MAGI2: variants seen among roughly 807,000 people sequenced by gnomAD.
MAGI2 encodes membrane-associated guanylate kinase, WW and PDZ domain-containing protein 2.
Under a neutral mutation model 133.3 loss-of-function variants are expected in MAGI2, and 35 were observed. The observed-to-expected ratio is 0.26, with a 90% confidence interval of 0.20 to 0.35. The LOEUF (loss-of-function observed/expected upper bound fraction) is 0.35. Ranked by LOEUF, MAGI2 falls within the 10% of genes least tolerant of loss-of-function variation. The pLI is 1.00. For missense variants in MAGI2, 1,636 were observed against 1,863.4 expected, an observed-to-expected ratio of 0.88 and a Z score of 2.25; for synonymous variants, 729 against 710.6, an observed-to-expected ratio of 1.03 and a Z score of -0.41.
chr7:78,567,127 C>T (rs1563179464), intron 3 of MAGI2, among the ~76,000 whole-genome samples: 1 of 152,154 alleles, frequency 6.6e-6, no homozygotes. Context: ...TTCTAATATA[C>T]TAAATAATTA....
intron 2 of MAGI2, among the ~76,000 whole-genome samples, chr7:78,991,397 T>C (rs1562759436): frequency 6.6e-6 from 1 of 151,496 alleles, no homozygotes. Context: ...TCTACATCTA[T>C]ATCTACACAT....
chr7:79,094,359 T>C (rs1392751296), intron 1 of MAGI2, among the ~76,000 whole-genome samples: 1 of 152,202 alleles, frequency 6.6e-6, no homozygotes, highest in Non-Finnish European at 1.5e-5. Context: ...CTAATTCTAG[T>C]TATTTTGCTA....
chr7:79,311,098 C>G (rs1838253571), intron 1 of MAGI2, among the ~76,000 whole-genome samples: 1 of 152,038 alleles, frequency 6.6e-6, no homozygotes, highest in East Asian at 1.9e-4. Context: ...TGGCCTCTCT[C>G]CAATCAGAAT....
At chr7:78,523,318 T>C (rs191450463) in intron 3 of MAGI2, among the ~76,000 whole-genome samples, 15 of 151,982 alleles carry the variant, frequency 9.9e-5, no homozygotes, top group African/African-American at 3.1e-4. Context: ...TATATAAATA[T>C]ATAAGATGGC....
intron 12 of MAGI2, among the ~76,000 whole-genome samples, chr7:78,186,106 G>C (rs1392843804): frequency 6.6e-6 from 1 of 152,076 alleles, no homozygotes; most frequent in African/African-American, 2.4e-5. Context: ...TGATTGTATT[G>C]ATTTATGTAC....
At chr7:78,389,580 A>G (rs1233790274) in intron 6 of MAGI2, among the ~76,000 whole-genome samples, 1 of 152,184 alleles carries the variant, frequency 6.6e-6, no homozygotes, top group Non-Finnish European at 1.5e-5. Context: ...CCCTAGACAG[A>G]TATTTGGGTA....
intron 2 of MAGI2, among the ~76,000 whole-genome samples, chr7:78,889,813 A>C (rs958145122): frequency 6.6e-6 from 1 of 152,170 alleles, no homozygotes; most frequent in Non-Finnish European, 1.5e-5. Context: ...GGAAGAAACT[A>C]CATCAACTAA....
chr7:78,684,206 C>A (rs566894059), intron 2 of MAGI2, among the ~76,000 whole-genome samples: 11 of 152,148 alleles, frequency 7.2e-5, no homozygotes, highest in African/African-American at 2.4e-4. Context: ...AATAGATTCT[C>A]CAAACATATT....
At chr7:78,201,286 A>G in intron 10 of MAGI2, 93 bp from the exon 11 acceptor site, 2 of 605,256 alleles carry the variant, frequency 3.3e-6, no homozygotes, top group Non-Finnish European at 5.6e-6. Context: ...ATTGATTTTA[A>G]ATTAGTTAAC....
intron 13 of MAGI2, among the ~76,000 whole-genome samples, chr7:78,183,527 G>A (rs956316314): frequency 1.3e-5 from 2 of 151,952 alleles, no homozygotes; most frequent in African/African-American, 4.8e-5. Context: ...GCCTCCCAAA[G>A]TGCTGGGATT....
intron 21 of MAGI2, among the ~76,000 whole-genome samples, chr7:78,037,221 T>A (rs1018419353): frequency 2.0e-5 from 3 of 152,036 alleles, no homozygotes; most frequent in Non-Finnish European, 1.5e-5. Flanking sequence ...CTCTTTGAAC[T>A]TAGGGTGGGG....
intron 2 of MAGI2, among the ~76,000 whole-genome samples, chr7:78,973,419 T>C (rs1432559465): frequency 1.3e-5 from 2 of 151,802 alleles, no homozygotes; most frequent in African/African-American, 2.4e-5. Flanking sequence ...ATTAGTTAGA[T>C]TGATGGGAAG....
At chr7:78,141,813 C>T (rs1280738171) in intron 16 of MAGI2, among the ~76,000 whole-genome samples, 2 of 152,140 alleles carry the variant, frequency 1.3e-5, no homozygotes, top group East Asian at 3.8e-4. Context: ...AAGGGCTCAT[C>T]ACTGGCAATT....
At chr7:78,974,335 T>G (rs1804048336) in intron 2 of MAGI2, among the ~76,000 whole-genome samples, 2 of 151,860 alleles carry the variant, frequency 1.3e-5, no homozygotes, top group African/African-American at 4.8e-5. Context: ...GTGTGGCTAA[T>G]TTTTAGCTCT....
intron 21 of MAGI2, among the ~76,000 whole-genome samples, chr7:78,060,608 A>G (rs570679527): frequency 6.6e-6 from 1 of 152,340 alleles, no homozygotes; most frequent in South Asian, 2.1e-4. Flanking sequence ...GACGACTGAG[A>G]GATCCCTTCT....
rs946531670 is a variant in MAGI2 at position 78,882,398 on chromosome 7, C to T, written c.418+124692G>A. On this transcript the variant is annotated intron_variant, in intron 2 of 21. Coordinates refer to ENST00000354212, the MANE Select transcript of MAGI2 (RefSeq NM_012301.4). ...AAAAACCTGCCAACCCAAAAAAGCCCGCGACCAGATTGATTCACAGCTGAA... is the reference window on the plus strand; with the variant it reads ...AAAAACCTGCCAACCCAAAAAAGCCTGCGACCAGATTGATTCACAGCTGAA... Among the ~76,000 whole-genome samples, 18 of 151,870 alleles carry T rather than the reference C, an allele frequency of 1.2e-4. No homozygotes were observed. The South Asian group carries it at 1.3e-3, about 11-fold the overall frequency.
At position 78,653,239 on chromosome 7, in the gene MAGI2, G is replaced by A. The variant is rs1811769601; in HGVS notation, c.419-26000C>T. 3.3e-5 allele frequency among the ~76,000 whole-genome samples: 5 copies of A among 152,094 alleles called. No individual in the cohort carries two copies. In the South Asian group the frequency reaches 8.3e-4, roughly 25 times the overall value. On this transcript the variant is annotated intron_variant, in intron 2 of 21. Coordinates refer to ENST00000354212, the MANE Select transcript of MAGI2 (RefSeq NM_012301.4). ...GAAAATAGTGTGGTGATTCCTCAAG[G>A]ATCTAGAACCAGAAGTACCATTTGA...
intron 3 of MAGI2, among the ~76,000 whole-genome samples, chr7:78,530,808 C>G (rs1270673384): frequency 6.6e-6 from 1 of 151,992 alleles, no homozygotes; most frequent in Non-Finnish European, 1.5e-5. Flanking sequence ...GACTGGGTTA[C>G]TACTCTGAGA....
chr7:78,888,517 C>T (rs1796457334), intron 2 of MAGI2, among the ~76,000 whole-genome samples: 2 of 152,178 alleles, frequency 1.3e-5, no homozygotes, highest in South Asian at 4.1e-4. Flanking sequence ...GCCGGGTACT[C>T]CTCTGAGACA....
Sources: gnomAD v4.1 joint callset for allele counts (sites outside exome capture counted in the v4.1 genomes callset) on GRCh38, gnomAD v4.1.1 for gene constraint, MANE v1.5 for transcripts, NCBI Gene and HGNC (gene_info 2026-07-23, HGNC 2026-07-21) for gene names.